The following APP variants were observed in gnomAD, a reference collection of about 807,000 sequenced individuals.
The protein encoded by APP is amyloid beta precursor protein, also known as amyloid-beta precursor protein.
In APP, 31 loss-of-function variants were observed where a neutral mutation model predicts 101.4. The ratio of observed to expected loss-of-function variants is 0.31; its 90% CI spans 0.23 to 0.41. The LOEUF (loss-of-function observed/expected upper bound fraction) is 0.41. APP is among the 10% of genes least tolerant of loss of function. The pLI, the probability that APP is intolerant of heterozygous loss-of-function variation, is 1.00. For synonymous variants in APP, 366 were observed against 364.4 expected, an observed-to-expected ratio of 1.00 and a Z score of -0.05; for missense variants, 839 against 1,003.7, an observed-to-expected ratio of 0.84 and a Z score of 2.22.
rs112965435 is a variant in APP, at chr21:25,881,780, CAA to C, written c.2212-11_2212-10del. 6.6e-4 allele frequency: 1,067 copies of C among 1,612,422 alleles called. 3 individuals carry two copies. Among genetic ancestry groups the C allele is most frequent in the African/African-American group, 5.7e-3 (427 of 74,948 alleles). The stretch of plus-strand genomic sequence containing the variant: ...GTGACAGCGGCGTCAACCTGAAAAA[CAA>C]GAGGAGAGCTGAGTAAAAAATAAAA... On this transcript the variant is annotated splice_polypyrimidine_tract_variant and intron_variant, in intron 17 of 17. Transcript: ENST00000346798.
chr21:26,037,219 T>C (rs1282189348), intron 5 of APP, among the ~76,000 whole-genome samples: 1 of 151,994 alleles, frequency 6.6e-6, no homozygotes, highest in East Asian at 1.9e-4. Flanking sequence ...CTGGGAAGGG[T>C]AGGTAGAAAC....
intron 16 of APP, among the ~76,000 whole-genome samples, chr21:25,896,417 C>G (rs2038047226): frequency 7.0e-6 from 1 of 142,346 alleles, no homozygotes; most frequent in African/African-American, 2.5e-5. Context: ...AAAAGTAACA[C>G]TCACACACAC....
intron 1 of APP, among the ~76,000 whole-genome samples, chr21:26,160,383 T>A (rs2063466476): frequency 6.6e-6 from 1 of 152,130 alleles, no homozygotes; most frequent in South Asian, 2.1e-4. Flanking sequence ...GCATTTAAAT[T>A]TTCTGGATTC....
rs200587958 is a variant in APP, at chr21:25,955,751, C to T, written c.1463G>A (p.Arg488His). ...TALQAVPPRP[R>H]HVFNMLKKYV... ...CTTCTTTAGCATATTGAACACGTGA[C>T]GAGGCTGTGGGAGGAAAATGAAAAA... The change falls in exon 12 of 18, where the codon CGT becomes CAT. Residue 488 changes from arginine (R) to histidine (H), a missense_variant. Coordinates refer to ENST00000346798, the MANE Select transcript of APP (RefSeq NM_000484.4). 12 of 1,613,952 alleles carry T rather than the reference C, an allele frequency of 7.4e-6. No homozygotes were observed. Among genetic ancestry groups the T allele is most frequent in the African/African-American group, 4.0e-5 (3 of 74,880 alleles).
chr21:26,170,470 G>T, intron 1 of APP, 94 bp downstream of exon 1: 1 of 1,345,784 alleles, frequency 7.4e-7, no homozygotes, highest in Non-Finnish European at 1.0e-6. Context: ...ACGGACCCCC[G>T]GCTTCTCTGC....
At chr21:26,168,533 T>C (rs981418102) in intron 1 of APP, among the ~76,000 whole-genome samples, 3 of 152,198 alleles carry the variant, frequency 2.0e-5, no homozygotes, top group Admixed American at 2.0e-4. Flanking sequence ...AAAAACTAAA[T>C]TCGAATCTGC....
intron 15 of APP, among the ~76,000 whole-genome samples, chr21:25,904,441 G>C (rs2038678493): frequency 6.6e-6 from 1 of 152,190 alleles, no homozygotes; most frequent in East Asian, 1.9e-4. Context: ...ATCCACATCT[G>C]TTGTGTTACT....
intron 5 of APP, among the ~76,000 whole-genome samples, chr21:26,050,552 TA>T (rs1228807841): frequency 6.6e-6 from 1 of 151,868 alleles, no homozygotes; most frequent in Non-Finnish European, 1.5e-5. Flanking sequence ...AAAGAAATGA[TA>T]AAAGGCCAAA....
chr21:26,077,490 G>A (rs1249315322), intron 3 of APP, among the ~76,000 whole-genome samples: 1 of 151,980 alleles, frequency 6.6e-6, no homozygotes, highest in Non-Finnish European at 1.5e-5. Flanking sequence ...GTTAATATTT[G>A]CCCCATTTAA....
chr21:26,115,900 T>C (rs1426754151), intron 1 of APP, among the ~76,000 whole-genome samples: 1 of 152,230 alleles, frequency 6.6e-6, no homozygotes, highest in Non-Finnish European at 1.5e-5. Flanking sequence ...ACTTAACTAC[T>C]ACATTTTAGT....
chr21:26,067,222 T>C (rs758027753), intron 3 of APP, among the ~76,000 whole-genome samples: 1 of 152,256 alleles, frequency 6.6e-6, no homozygotes, highest in Non-Finnish European at 1.5e-5. Context: ...CATTTCAACA[T>C]GCAATCAATG....
chr21:25,881,935 T>C (rs1002910307), intron 17 of APP, among the ~76,000 whole-genome samples, 164 bp from the exon 18 acceptor site: 1 of 152,158 alleles, frequency 6.6e-6, no homozygotes, highest in Non-Finnish European at 1.5e-5. Flanking sequence ...CAGAACGCCT[T>C]TGCCCACCAG....
intron 6 of APP, among the ~76,000 whole-genome samples, chr21:26,012,048 A>G (rs1568853152): frequency 6.6e-6 from 1 of 150,888 alleles, no homozygotes; most frequent in Non-Finnish European, 1.5e-5. Flanking sequence ...CACTGTCACC[A>G]AGGCTGGAGT....
intron 5 of APP, among the ~76,000 whole-genome samples, chr21:26,028,916 G>A (rs3859683): frequency 0.1 from 15,646 of 152,090 alleles, 1,262 homozygotes; most frequent in East Asian, 0.29. Flanking sequence ...TGTGTGCCAG[G>A]GATGGGTAGC....
At chr21:26,097,988 G>A (rs952719316) in intron 2 of APP, among the ~76,000 whole-genome samples, 2 of 150,598 alleles carry the variant, frequency 1.3e-5, no homozygotes, top group Non-Finnish European at 1.5e-5. Context: ...GCTGAGGCAG[G>A]AGAATGGCGT....
At chr21:26,080,464 T>G (rs946758122) in intron 3 of APP, among the ~76,000 whole-genome samples, 2 of 152,086 alleles carry the variant, frequency 1.3e-5, no homozygotes, top group African/African-American at 4.8e-5. Context: ...TTAAAATAGC[T>G]TTTAAAAAAT....
At chr21:25,968,579 A>C (rs537019760) in intron 11 of APP, among the ~76,000 whole-genome samples, 13 of 152,294 alleles carry the variant, frequency 8.5e-5, no homozygotes, top group African/African-American at 2.6e-4. Flanking sequence ...ACTAAATCAG[A>C]AATTTGAAAC....
chr21:26,162,893 CA>C (rs998227197), intron 1 of APP, among the ~76,000 whole-genome samples: 1 of 120,250 alleles, frequency 8.3e-6, no homozygotes, highest in South Asian at 2.6e-4. Flanking sequence ...TAGATTCTCT[CA>C]AAAAAAGCAT....
intron 8 of APP, among the ~76,000 whole-genome samples, chr21:25,988,563 G>A (rs559819756): frequency 5.3e-5 from 8 of 152,088 alleles, no homozygotes; most frequent in South Asian, 4.1e-4. Context: ...TTAGCTGGGC[G>A]TGGTGGCAGG....
Sources: allele counts gnomAD v4.1 joint callset (sites outside exome capture counted in the v4.1 genomes callset), GRCh38; gene constraint gnomAD v4.1.1; transcripts MANE v1.5; gene names NCBI Gene and HGNC (gene_info 2026-07-23, HGNC 2026-07-21).